The following PKN2 variants were observed in gnomAD, a reference collection of about 807,000 sequenced individuals.
PKN2 encodes the protein serine/threonine-protein kinase N2.
In PKN2, 38 loss-of-function variants were observed where a neutral mutation model predicts 119.1. That is an observed-to-expected ratio of 0.32 (90% CI 0.25 to 0.42). PKN2 has a LOEUF of 0.42. Ranked by LOEUF, PKN2 falls within the 10% of genes least tolerant of loss-of-function variation. The probability of loss-of-function intolerance (pLI) is 1.00; values close to 1 mark genes in which losing one functional copy is unlikely to be tolerated. For missense variants in PKN2, 850 were observed against 1,165.1 expected (o/e 0.73, Z 3.94); for synonymous variants, 390 against 384.9 (o/e 1.01, Z -0.15).
chr1:88,756,263 A>C (rs149298383), intron 2 of PKN2, among the ~76,000 whole-genome samples: 41 of 152,282 alleles, frequency 2.7e-4, no homozygotes, highest in Admixed American at 2.2e-3. Context: ...ATCTCTAACA[A>C]ATTGTAATCT....
At chr1:88,693,857 A>C (rs1419865721) in intron 1 of PKN2, among the ~76,000 whole-genome samples, 1 of 151,546 alleles carries the variant, frequency 6.6e-6, no homozygotes, top group East Asian at 1.9e-4. Context: ...TGCCCTTTTA[A>C]ATAAATTATT....
At chr1:88,758,438 G>C (rs1413784614) in intron 2 of PKN2, among the ~76,000 whole-genome samples, 1 of 151,720 alleles carries the variant, frequency 6.6e-6, no homozygotes, top group African/African-American at 2.4e-5. Flanking sequence ...AAGTAAACTT[G>C]TGTCTTGGGG....
At chr1:88,711,351 CA>C (rs1349710734) in intron 1 of PKN2, among the ~76,000 whole-genome samples, 1 of 152,036 alleles carries the variant, frequency 6.6e-6, no homozygotes, top group Non-Finnish European at 1.5e-5. Context: ...CACTTCCCGC[CA>C]TTAATATACC....
chr1:88,727,633 G>A (rs1667952799), intron 1 of PKN2, among the ~76,000 whole-genome samples: 1 of 152,136 alleles, frequency 6.6e-6, no homozygotes, highest in Non-Finnish European at 1.5e-5. Context: ...TGGGCTACAT[G>A]TGTATTTTTT....
intron 1 of PKN2, among the ~76,000 whole-genome samples, chr1:88,692,969 A>C (rs1044615571): frequency 3.3e-5 from 5 of 152,228 alleles, no homozygotes; most frequent in Admixed American, 3.3e-4. Flanking sequence ...GGGGATTTGT[A>C]AACTATCCAA....
intron 1 of PKN2, among the ~76,000 whole-genome samples, chr1:88,713,459 GA>G (rs1176860196): frequency 1.3e-5 from 2 of 152,042 alleles, no homozygotes; most frequent in East Asian, 3.9e-4. Context: ...ACTTTTTAAT[GA>G]TCACCAGTCT....
intron 2 of PKN2, among the ~76,000 whole-genome samples, chr1:88,759,626 C>T (rs1268789176): frequency 6.6e-6 from 1 of 152,122 alleles, no homozygotes; most frequent in Admixed American, 6.6e-5. Context: ...TGTAGGTTGT[C>T]TGTTTACTCT....
intron 6 of PKN2, among the ~76,000 whole-genome samples, chr1:88,783,114 A>G (rs960764699): frequency 6.6e-6 from 1 of 152,166 alleles, no homozygotes; most frequent in Non-Finnish European, 1.5e-5. Flanking sequence ...ATTCCTACCT[A>G]TATGCACTGA....
intron 1 of PKN2, among the ~76,000 whole-genome samples, chr1:88,691,280 G>T (rs536072518): frequency 6.6e-6 from 1 of 151,970 alleles, no homozygotes; most frequent in African/African-American, 2.4e-5. Flanking sequence ...GCCCGGGTTG[G>T]TTTTGAACTG....
intron 8 of PKN2, among the ~76,000 whole-genome samples, chr1:88,792,799 C>A (rs1040098753): frequency 2.6e-5 from 4 of 152,146 alleles, no homozygotes; most frequent in African/African-American, 7.2e-5. Flanking sequence ...GGATACATAT[C>A]AAGCAGTTCA....
rs1474305875 is a variant in PKN2 at position 88,792,602 on chromosome 1, C to T, written c.1281+6389C>T. The stretch of plus-strand genomic sequence containing the variant: ...CCAGAACTTAAATACTAATAGTCTA[C>T]TGTGGACCAGAAGCCTTATTGATAA... On this transcript the variant is annotated intron_variant, in intron 8 of 21. Coordinates refer to ENST00000370521, the MANE Select transcript of PKN2 (RefSeq NM_006256.4). 2.7e-4 allele frequency among the ~76,000 whole-genome samples: 41 copies of T among 152,142 alleles called. 1 individual carries two copies. Among genetic ancestry groups the T allele is most frequent in the Admixed American group, 2.7e-3 (41 of 15,270 alleles).
At chr1:88,739,284 C>T (rs1668481440) in intron 1 of PKN2, among the ~76,000 whole-genome samples, 1 of 146,548 alleles carries the variant, frequency 6.8e-6, no homozygotes. Context: ...TCAGCCTGGA[C>T]AACATGGCAA....
At chr1:88,735,463 A>T (rs1570552499) in intron 1 of PKN2, among the ~76,000 whole-genome samples, 1 of 150,618 alleles carries the variant, frequency 6.6e-6, no homozygotes, top group African/African-American at 2.4e-5. Flanking sequence ...TTCCTGGCCT[A>T]TTTTTTTTTA....
chr1:88,817,001 A>G (rs1672021570), intron 16 of PKN2: 3 of 152,214 alleles, frequency 2.0e-5, no homozygotes, highest in African/African-American at 7.2e-5. Context: ...TCCTTCTGAA[A>G]CTATTCCAAA....
chr1:88,804,329 T>C, intron 8 of PKN2, 62 bp from the exon 9 acceptor site: 3 of 1,248,570 alleles, frequency 2.4e-6, no homozygotes, highest in Non-Finnish European at 3.4e-6. Context: ...TGATATTTTA[T>C]TCAAGTGTGT....
chr1:88,769,313 T>C (rs1043121100), intron 3 of PKN2, among the ~76,000 whole-genome samples: 5 of 152,196 alleles, frequency 3.3e-5, no homozygotes, highest in Non-Finnish European at 7.4e-5. Flanking sequence ...TCACCAGGGT[T>C]GACAAATGCT....
At chr1:88,762,944 GT>G (rs1669505188) in intron 3 of PKN2, among the ~76,000 whole-genome samples, 1 of 152,164 alleles carries the variant, frequency 6.6e-6, no homozygotes, top group Non-Finnish European at 1.5e-5. Context: ...AGTTCTTAGT[GT>G]ATTTCTTACC....
intron 16 of PKN2, 74 bp downstream of exon 16, chr1:88,813,807 G>A: frequency 7.9e-7 from 1 of 1,263,056 alleles, no homozygotes; most frequent in Non-Finnish European, 1.1e-6. Flanking sequence ...GAGATTCTTT[G>A]AATTTTAGAT....
intron 1 of PKN2, among the ~76,000 whole-genome samples, chr1:88,709,909 T>G (rs564179759): frequency 6.6e-6 from 1 of 152,242 alleles, no homozygotes; most frequent in South Asian, 2.1e-4. Context: ...GTATGTGGTG[T>G]TTGGCATCTG....
Sources: allele counts gnomAD v4.1 joint callset (sites outside exome capture counted in the v4.1 genomes callset), GRCh38; gene constraint gnomAD v4.1.1; transcripts MANE v1.5; gene names NCBI Gene and HGNC (gene_info 2026-07-23, HGNC 2026-07-21).